ARHGAP24: variants seen among roughly 807,000 people sequenced by gnomAD.
The protein encoded by ARHGAP24 is Rho GTPase activating protein 24.
A neutral mutation model predicts 76.4 loss-of-function variants in ARHGAP24; 50 were observed. The observed-to-expected ratio is 0.65, with a 90% CI of 0.52 to 0.83. The LOEUF (loss-of-function observed/expected upper bound fraction) is 0.83. Ranked by LOEUF, ARHGAP24 falls within the 40% of genes least tolerant of loss-of-function variation. The probability of loss-of-function intolerance (pLI) is 0.00; values close to 1 mark genes in which losing one functional copy is unlikely to be tolerated. For missense variants in ARHGAP24, 930 were observed against 914.2 expected (o/e 1.02, Z -0.22); for synonymous variants, 345 against 323.3 (o/e 1.07, Z -0.72).
chr4:85,964,540 C>T (rs1034497027), intron 5 of ARHGAP24, among the ~76,000 whole-genome samples: 1 of 151,972 alleles, frequency 6.6e-6, no homozygotes, highest in African/African-American at 2.4e-5. Flanking sequence ...GGAAGAAGAG[C>T]TTGGGAGCTA....
intron 2 of ARHGAP24, among the ~76,000 whole-genome samples, chr4:85,687,818 C>CTT (rs796220750): frequency 6.8e-6 from 1 of 146,190 alleles, no homozygotes; most frequent in African/African-American, 2.6e-5. Context: ...GTTCTATTTT[C>CTT]TTTTTTTTTT....
intron 2 of ARHGAP24, among the ~76,000 whole-genome samples, chr4:85,634,296 T>C (rs979360149): frequency 1.3e-5 from 2 of 151,898 alleles, no homozygotes; most frequent in African/African-American, 2.4e-5. Flanking sequence ...CCTCCAGTTA[T>C]AACTAATATT....
chr4:85,757,969 G>A (rs1050778155), intron 3 of ARHGAP24, among the ~76,000 whole-genome samples: 2 of 152,136 alleles, frequency 1.3e-5, no homozygotes, highest in Non-Finnish European at 2.9e-5. Flanking sequence ...GATGGCCAGT[G>A]ATGATGAGCA....
At chr4:85,804,981 T>C (rs774389024) in intron 3 of ARHGAP24, among the ~76,000 whole-genome samples, 22 of 152,130 alleles carry the variant, frequency 1.4e-4, no homozygotes, top group Non-Finnish European at 3.1e-4. Context: ...TTTCCTTTAA[T>C]CTCTAGTTAT....
intron 1 of ARHGAP24, among the ~76,000 whole-genome samples, chr4:85,523,233 T>C (rs1032022049): frequency 7.2e-5 from 11 of 152,218 alleles, no homozygotes; most frequent in Non-Finnish European, 1.6e-4. Flanking sequence ...CACCTAATTT[T>C]ACCATAACAC....
chr4:85,688,518 G>A (rs1723514256), intron 2 of ARHGAP24, among the ~76,000 whole-genome samples: 1 of 152,102 alleles, frequency 6.6e-6, no homozygotes, highest in Admixed American at 6.6e-5. Context: ...CTCCCGTTCA[G>A]TAGAGTGTCT....
intron 5 of ARHGAP24, among the ~76,000 whole-genome samples, chr4:85,955,247 CA>C (rs1223296868): frequency 6.6e-6 from 1 of 151,734 alleles, no homozygotes; most frequent in African/African-American, 2.4e-5. Flanking sequence ...CCCCGACCCT[CA>C]GCATGTGCTC....
chr4:85,862,503 C>G (rs983278907), intron 3 of ARHGAP24, among the ~76,000 whole-genome samples: 39 of 152,042 alleles, frequency 2.6e-4, no homozygotes, highest in Non-Finnish European at 3.5e-4. Flanking sequence ...GACCATTAAG[C>G]TAAGCTAAGT....
intron 3 of ARHGAP24, among the ~76,000 whole-genome samples, chr4:85,869,233 C>T (rs776635102): frequency 5.3e-5 from 8 of 152,106 alleles, no homozygotes; most frequent in Admixed American, 3.9e-4. Flanking sequence ...AACAGTGCTT[C>T]GGTATTCTAA....
intron 2 of ARHGAP24, among the ~76,000 whole-genome samples, chr4:85,605,122 G>A (rs960554100): frequency 1.9e-4 from 29 of 152,176 alleles, no homozygotes; most frequent in Non-Finnish European, 4.0e-4. Flanking sequence ...TTAATTATGT[G>A]TATTAGAATG....
chr4:85,931,421 C>T (rs1051853781), intron 4 of ARHGAP24, among the ~76,000 whole-genome samples: 4 of 152,132 alleles, frequency 2.6e-5, no homozygotes, highest in East Asian at 3.9e-4. Context: ...CTCGCAAATC[C>T]CTGTGCTGTG....
intron 5 of ARHGAP24, among the ~76,000 whole-genome samples, chr4:85,970,625 C>G (rs1738915324): frequency 6.6e-6 from 1 of 152,118 alleles, no homozygotes; most frequent in Non-Finnish European, 1.5e-5. Flanking sequence ...TAATTTCATA[C>G]AGTTGGCTCT....
chr4:85,577,684 G>A (rs1229460134), intron 2 of ARHGAP24, among the ~76,000 whole-genome samples: 2 of 152,172 alleles, frequency 1.3e-5, no homozygotes, highest in African/African-American at 2.4e-5. Context: ...TTATTATACA[G>A]TGTAATAAGT....
chr4:85,716,176 T>A, intron 2 of ARHGAP24, among the ~76,000 whole-genome samples: 1 of 152,018 alleles, frequency 6.6e-6, no homozygotes, highest in East Asian at 1.9e-4. Context: ...AAGAATAAGA[T>A]CCCTGTGCCT....
intron 2 of ARHGAP24, among the ~76,000 whole-genome samples, chr4:85,626,682 G>A (rs927010706): frequency 2.6e-5 from 4 of 152,096 alleles, no homozygotes; most frequent in African/African-American, 9.7e-5. Flanking sequence ...TTCCAACTTG[G>A]TTCCATTCTC....
chr4:85,785,778 A>G (rs569361000), intron 3 of ARHGAP24, among the ~76,000 whole-genome samples: 43 of 152,250 alleles, frequency 2.8e-4, no homozygotes, highest in African/African-American at 9.1e-4. Context: ...AAATACTTCA[A>G]AGTAATGACT....
chr4:85,485,767 C>T (rs185230352), intron 1 of ARHGAP24, among the ~76,000 whole-genome samples: 2,395 of 149,568 alleles, frequency 0.016, 38 homozygotes, highest in Non-Finnish European at 0.026. Context: ...GACAGTCTCA[C>T]TTTGTCACCC....
chr4:85,764,174 C>G (rs1163984521), intron 3 of ARHGAP24, among the ~76,000 whole-genome samples: 1 of 151,986 alleles, frequency 6.6e-6, no homozygotes, highest in Non-Finnish European at 1.5e-5. Flanking sequence ...CAAGAAATCT[C>G]TAAGCCAAAT....
chr4:85,780,744 A>T (rs1449267932), intron 3 of ARHGAP24, among the ~76,000 whole-genome samples: 1 of 152,228 alleles, frequency 6.6e-6, no homozygotes, highest in Non-Finnish European at 1.5e-5. Flanking sequence ...TGCATGTGCC[A>T]AAGGACATAG....
Sources: allele counts gnomAD v4.1 joint callset (sites outside exome capture counted in the v4.1 genomes callset), GRCh38; gene constraint gnomAD v4.1.1; transcripts MANE v1.5; gene names NCBI Gene and HGNC (gene_info 2026-07-23, HGNC 2026-07-21).